The following GBF1 variants were observed in gnomAD, a reference collection of about 807,000 sequenced individuals.
GBF1 encodes golgi brefeldin A resistant guanine nucleotide exchange factor 1.
Under a neutral mutation model 210.5 loss-of-function variants are expected in GBF1, and 114 were observed. The ratio of observed to expected loss-of-function variants is 0.54; its 90% CI spans 0.47 to 0.63. The LOEUF is 0.63. GBF1 is among the 30% of genes least tolerant of loss of function. The probability of loss-of-function intolerance (pLI) is 0.00; values close to 1 mark genes in which losing one functional copy is unlikely to be tolerated. For synonymous variants in GBF1, 850 were observed against 889.2 expected, an observed-to-expected ratio of 0.96 and a Z score of 0.78; for missense variants, 1,851 against 2,357.7, an observed-to-expected ratio of 0.79 and a Z score of 4.45.
Position 102,375,432 on chromosome 10 carries a change from A to T in GBF1, c.3734A>T (p.Tyr1245Phe), listed in dbSNP as rs1182683973. ...TCCCGAGTCAGCCACCAGGTTGCGT[A>T]TGGGCTCCATGAACTCCTGAAGACC... is the stretch of plus-strand genomic sequence containing the variant. Reference protein sequence around the residue: ...VLSRVSHQVAYGLHELLKTNA... With the variant: ...VLSRVSHQVAFGLHELLKTNA... The change falls in exon 30 of 40, where the codon TAT becomes TTT. Residue 1245 changes from tyrosine (Y) to phenylalanine (F), a missense_variant. Coordinates refer to ENST00000369983, the MANE Select transcript of GBF1 (RefSeq NM_001377137.1). The T allele has an allele frequency of 1.9e-6, 3 of 1,613,818 alleles. No homozygotes were observed. The highest frequency in any genetic ancestry group is 2.2e-5 in the East Asian group (1 of 44,874).
chr10:102,234,627 G>A, the GBF1 span, among the ~76,000 whole-genome samples: 1 of 152,110 alleles, frequency 6.6e-6, no homozygotes. Context: ...GTGCTCTGAA[G>A]TCTCCCCTTA....
intron 5 of GBF1, 35 bp from the exon 6 acceptor site, chr10:102,351,808 T>C (rs1395581870): frequency 8.1e-7 from 1 of 1,229,636 alleles, no homozygotes; most frequent in African/African-American, 1.5e-5. Context: ...CTCAGTACCT[T>C]GTTTATCACA....
At chr10:102,238,137 A>C in the GBF1 span, among the ~76,000 whole-genome samples, 3 of 151,986 alleles carry the variant, frequency 2.0e-5, no homozygotes, top group African/African-American at 4.8e-5. Context: ...CCCAACTCTT[A>C]CCCCACTGAT....
At chr10:102,245,162 C>T (rs1355796147), upstream of GBF1, among the ~76,000 whole-genome samples, 1 of 152,204 alleles carries the variant, frequency 6.6e-6, no homozygotes, top group Non-Finnish European at 1.5e-5. Flanking sequence ...CGCTCAAGTT[C>T]TCAAAGCGGA....
intron 3 of GBF1, among the ~76,000 whole-genome samples, chr10:102,322,289 T>A (rs972332215): frequency 6.6e-6 from 1 of 152,234 alleles, no homozygotes; most frequent in African/African-American, 2.4e-5. Flanking sequence ...AAACATAAAT[T>A]AGTATGGAGA....
chr10:102,235,845 A>G, the GBF1 span, among the ~76,000 whole-genome samples: 1 of 152,204 alleles, frequency 6.6e-6, no homozygotes, highest in African/African-American at 2.4e-5. Context: ...ACATGCTGTG[A>G]ACACTCTGTC....
At position 102,246,879 on chromosome 10, in the gene GBF1, A is replaced by G. The variant is rs544364674; in HGVS notation, c.-11+1098A>G. ...CACTCTAGGCCCTGTGGAGGATACA[A>G]ATGGAAAGGTCTGCTTTGGGACTGC... On this transcript the variant is annotated intron_variant, in intron 1 of 39. Transcript: ENST00000369983. Among the ~76,000 whole-genome samples, 5 of 152,356 alleles carry G rather than the reference A, an allele frequency of 3.3e-5. No individual in the cohort carries two copies. In the South Asian group the frequency reaches 8.3e-4, roughly 25 times the overall value.
At chr10:102,238,378 A>C in the GBF1 span, among the ~76,000 whole-genome samples, 1 of 152,170 alleles carries the variant, frequency 6.6e-6, no homozygotes, top group Non-Finnish European at 1.5e-5. Context: ...GTCCTGGGCC[A>C]ATGTTCCCAT....
chr10:102,256,756 C>G (rs2072450989), intron 1 of GBF1, among the ~76,000 whole-genome samples: 1 of 152,086 alleles, frequency 6.6e-6, no homozygotes, highest in African/African-American at 2.4e-5. Flanking sequence ...GGTTATCTAC[C>G]TGCCTTGACA....
chr10:102,381,887 T>C (rs2135398665), intron 39 of GBF1, among the ~76,000 whole-genome samples, 169 bp from the exon 40 acceptor site: 1 of 139,784 alleles, frequency 7.2e-6, no homozygotes. Flanking sequence ...TAGCTGAACA[T>C]TGAAATGAGT....
intron 3 of GBF1, among the ~76,000 whole-genome samples, chr10:102,326,022 T>C (rs1463704795): frequency 1.3e-5 from 2 of 152,200 alleles, no homozygotes; most frequent in Admixed American, 1.3e-4. Flanking sequence ...TGGCCTATTT[T>C]ATACGGAAAG....
chr10:102,247,499 GGGCCATT>G (rs2070990637), intron 1 of GBF1, among the ~76,000 whole-genome samples: 1 of 152,056 alleles, frequency 6.6e-6, no homozygotes, highest in South Asian at 2.1e-4. Flanking sequence ...TTGCTCACTT[GGGCCATT>G]GCCCTGTTGA....
intron 3 of GBF1, among the ~76,000 whole-genome samples, chr10:102,329,487 G>A (rs1165488850): frequency 2.6e-5 from 4 of 151,988 alleles, no homozygotes; most frequent in South Asian, 2.1e-4. Context: ...TTTTTGAGAC[G>A]GAGTCTTGCT....
intron 13 of GBF1, 52 bp from the exon 14 acceptor site, chr10:102,361,665 TC>T (rs909537861): frequency 2.3e-6 from 3 of 1,277,690 alleles, no homozygotes; most frequent in South Asian, 2.8e-5. Flanking sequence ...TTTTTTCTCT[TC>T]CTATCTTGAA....
the GBF1 span, among the ~76,000 whole-genome samples, chr10:102,238,163 C>T: frequency 6.6e-6 from 1 of 152,158 alleles, no homozygotes; most frequent in African/African-American, 2.4e-5. Context: ...TTTCCTTTTC[C>T]TCCCCATCAT....
At chr10:102,326,151 C>T (rs138444943) in intron 3 of GBF1, among the ~76,000 whole-genome samples, 209 of 152,230 alleles carry the variant, frequency 1.4e-3, no homozygotes, top group African/African-American at 4.6e-3. Flanking sequence ...TTTTTTTGAA[C>T]GCTATCTGAG....
At chr10:102,369,467 T>C in intron 24 of GBF1, 80 bp downstream of exon 24, 2 of 1,169,034 alleles carry the variant, frequency 1.7e-6, no homozygotes, top group Non-Finnish European at 2.5e-6. Flanking sequence ...TAGAAGTAAG[T>C]GGTTGAGAGT....
intron 4 of GBF1, among the ~76,000 whole-genome samples, chr10:102,345,295 AAAG>A (rs2058466719): frequency 6.6e-6 from 1 of 151,728 alleles, no homozygotes; most frequent in Non-Finnish European, 1.5e-5. Context: ...AAAAAAAAAA[AAAG>A]AATAGAATAA....
intron 3 of GBF1, among the ~76,000 whole-genome samples, chr10:102,272,612 G>C (rs1329858646): frequency 6.6e-6 from 1 of 152,064 alleles, no homozygotes; most frequent in Non-Finnish European, 1.5e-5. Context: ...TTATTTCACT[G>C]GTCACAGAAT....
Sources: gnomAD v4.1 joint callset for allele counts (sites outside exome capture counted in the v4.1 genomes callset) on GRCh38, gnomAD v4.1.1 for gene constraint, MANE v1.5 for transcripts, NCBI Gene and HGNC (gene_info 2026-07-23, HGNC 2026-07-21) for gene names.